Variants in USP53 observed in about 807,000 individuals in gnomAD.
USP53 encodes the protein ubiquitin carboxyl-terminal hydrolase 53.
A neutral mutation model predicts 94.9 loss-of-function variants in USP53; 71 were observed. The ratio of observed to expected loss-of-function variants is 0.75; its 90% confidence interval spans 0.62 to 0.91. USP53 has a LOEUF of 0.91. Ranked by LOEUF, USP53 falls within the 40% of genes least tolerant of loss-of-function variation. USP53 has a pLI of 0.00. For missense variants in USP53, 1,173 were observed against 1,281.0 expected (o/e 0.92, Z 1.29); for synonymous variants, 375 against 422.7 (o/e 0.89, Z 1.39).
chr4:119,248,669 T>G, intron 6 of USP53, 79 bp from the exon 7 acceptor site: 1 of 1,509,844 alleles, frequency 6.6e-7, no homozygotes, highest in Non-Finnish European at 8.9e-7. Context: ...GTGTTTTGAG[T>G]TTCTCTGTGT....
At chr4:119,255,939 C>T (rs1749709647) in intron 7 of USP53, among the ~76,000 whole-genome samples, 1 of 152,128 alleles carries the variant, frequency 6.6e-6, no homozygotes, top group African/African-American at 2.4e-5. Context: ...ACACAGGAAA[C>T]TGTTTTCTAA....
chr4:119,260,357 A>G (rs546197582), intron 10 of USP53, 150 bp from the exon 11 acceptor site: 9 of 526,680 alleles, frequency 1.7e-5, no homozygotes, highest in Non-Finnish European at 2.8e-5. Context: ...TTAATCAATA[A>G]TTAAGACAAA....
At chr4:119,281,107 G>C (rs186978845) in intron 17 of USP53, among the ~76,000 whole-genome samples, 335 of 152,306 alleles carry the variant, frequency 2.2e-3, no homozygotes, top group Non-Finnish European at 3.8e-3. Context: ...CTATGCAATG[G>C]TGTGGGATTA....
At position 119,271,553 on chromosome 4, in the gene USP53, G is replaced by T; in HGVS notation, c.1693G>T (p.Asp565Tyr). ...TGGATATGACACAGACAGCAGCCAA[G>T]ATTCTAGGGATAGAGGAAACAGCTG... ...GTGYDTDSSQDSRDRGNSCDS... is the reference protein window; with the variant it reads ...GTGYDTDSSQYSRDRGNSCDS... Residue 565 changes from aspartate (D) to tyrosine (Y), a missense_variant, in exon 16 of 19, where the codon GAT becomes TAT. Physicochemically the swap from Asp to Tyr is radical, Grantham distance 160 (BLOSUM62 -3). Transcript: ENST00000692078. 4 of 1,613,792 alleles carry T rather than the reference G, an allele frequency of 2.5e-6. No homozygotes were observed. Among genetic ancestry groups the T allele is most frequent in the Non-Finnish European group, 3.4e-6 (4 of 1,180,040 alleles).
rs748947375 is a variant in USP53, at chr4:119,273,612, G to T, written c.2175-20G>T. 1 of 1,599,520 alleles carries T rather than the reference G, an allele frequency of 6.3e-7. No homozygotes were observed. The highest frequency in any genetic ancestry group is 8.6e-7 in the Non-Finnish European group (1 of 1,168,324). ...CAGTCCATAATACCTGATGTGTTTA[G>T]TGTGTATTTTATTTTCTAGTGACCA... On this transcript the variant is annotated intron_variant, in intron 16 of 18. Coordinates refer to ENST00000692078, the MANE Select transcript of USP53 (RefSeq NM_001371395.1).
intron 3 of USP53, among the ~76,000 whole-genome samples, chr4:119,232,737 C>T (rs1746228961): frequency 6.6e-6 from 1 of 152,028 alleles, no homozygotes; most frequent in Non-Finnish European, 1.5e-5. Context: ...TGTTTGCTAG[C>T]ATTTTATTTA....
Position 119,259,811 on chromosome 4 carries a change from T to C in USP53, c.570-9T>C. On this transcript the variant is annotated splice_polypyrimidine_tract_variant and intron_variant, in intron 9 of 18. Coordinates refer to ENST00000692078, the MANE Select transcript of USP53 (RefSeq NM_001371395.1). The stretch of plus-strand genomic sequence containing the variant: ...TAGGCCAGATTTGGGATTGCTTCTT[T>C]TTTTGTAGCAATGAGGTTGAAAGAA... 1 of 1,603,838 alleles carries C rather than the reference T, an allele frequency of 6.2e-7. No individual in the cohort carries two copies. Among genetic ancestry groups the C allele is most frequent in the Non-Finnish European group, 8.5e-7 (1 of 1,175,688 alleles).
At chr4:119,226,599 GAGAA>G (rs1197936174) in intron 3 of USP53, among the ~76,000 whole-genome samples, 1 of 152,050 alleles carries the variant, frequency 6.6e-6, no homozygotes, top group African/African-American at 2.4e-5. Context: ...ACATTTCTAA[GAGAA>G]AGAAGACCTA....
intron 5 of USP53, 64 bp downstream of exon 5, chr4:119,239,967 T>C (rs1301874891): frequency 2.3e-6 from 3 of 1,279,352 alleles, no homozygotes. Context: ...TGTTTAATGC[T>C]TCTTTAGCTC....
intron 3 of USP53, among the ~76,000 whole-genome samples, chr4:119,225,355 C>T (rs1561192673): frequency 6.6e-6 from 1 of 152,140 alleles, no homozygotes; most frequent in Non-Finnish European, 1.5e-5. Flanking sequence ...ATGAATTCCA[C>T]CAGCCTTTTA....
At chr4:119,284,560 C>T (rs1753869530) in intron 17 of USP53, among the ~76,000 whole-genome samples, 1 of 151,792 alleles carries the variant, frequency 6.6e-6, no homozygotes, top group South Asian at 2.1e-4. Flanking sequence ...CCTTAAATTA[C>T]ATTCGAGACA....
rs550670122 is a variant in USP53 at position 119,214,133 on chromosome 4, A to C, written c.-878A>C. 4 of 151,926 alleles carry C rather than the reference A, an allele frequency of 2.6e-5. No homozygotes were observed. The South Asian group carries it at 8.3e-4, about 32-fold the overall frequency. 9.4% of individuals were successfully genotyped at this position (151,926 alleles called of 1,614,324 possible). A position where few individuals can be genotyped will look rare whatever the true frequency, so the allele number is the denominator to read the frequency against. On this transcript the variant is annotated 5_prime_UTR_variant, in exon 2 of 19. Transcript: ENST00000692078. ...TTAAAGATAAATTAAAAAAAAAAAA[A>C]AAAAACCAAAGGGAACAAAACTTAC...
chr4:119,261,039 A>G (rs1578503201), intron 11 of USP53, among the ~76,000 whole-genome samples: 1 of 139,468 alleles, frequency 7.2e-6, no homozygotes, highest in Non-Finnish European at 1.5e-5. Flanking sequence ...GGCTCACTAC[A>G]ACCTCTGCCT....
At chr4:119,273,569 T>TA in intron 16 of USP53, 63 bp from the exon 17 acceptor site, 2 of 1,308,848 alleles carry the variant, frequency 1.5e-6, no homozygotes, top group Non-Finnish European at 2.2e-6. Context: ...TGTTGTTTTT[T>TA]TTTAGACTAA....
chr4:119,267,051 A>C (rs1425085599), intron 12 of USP53, among the ~76,000 whole-genome samples: 1 of 152,196 alleles, frequency 6.6e-6, no homozygotes, highest in Non-Finnish European at 1.5e-5. Context: ...GTCAAATGTC[A>C]GTCAACCACA....
intron 17 of USP53, among the ~76,000 whole-genome samples, chr4:119,284,738 AAT>A (rs1753889682): frequency 6.6e-6 from 1 of 151,926 alleles, no homozygotes; most frequent in Admixed American, 6.6e-5. Flanking sequence ...TACACTTAAA[AAT>A]AGTTAGAATA....
intron 3 of USP53, among the ~76,000 whole-genome samples, chr4:119,222,674 A>C (rs1377785369): frequency 6.6e-6 from 1 of 152,110 alleles, no homozygotes. Context: ...TATACATACC[A>C]CATTTTCTTT....
intron 17 of USP53, among the ~76,000 whole-genome samples, chr4:119,282,970 T>C (rs1174534231): frequency 6.6e-6 from 1 of 152,030 alleles, no homozygotes; most frequent in African/African-American, 2.4e-5. Flanking sequence ...AATATTAGTC[T>C]ATGCAAGTAT....
chr4:119,279,782 G>T (rs940091001), intron 17 of USP53, among the ~76,000 whole-genome samples: 6 of 152,244 alleles, frequency 3.9e-5, no homozygotes, highest in Non-Finnish European at 5.9e-5. Context: ...CTCTGAGCCA[G>T]GTGTGGGATA....
Sources: allele counts gnomAD v4.1 joint callset (sites outside exome capture counted in the v4.1 genomes callset), GRCh38; gene constraint gnomAD v4.1.1; transcripts MANE v1.5; gene names NCBI Gene and HGNC (gene_info 2026-07-23, HGNC 2026-07-21).